Variants in MDGA1 observed in about 807,000 individuals in gnomAD.
MDGA1 encodes MAM domain-containing glycosylphosphatidylinositol anchor protein 1.
MDGA1 carries 54 observed loss-of-function variants against 101.5 expected under a neutral mutation model. The ratio of observed to expected loss-of-function variants is 0.53; its 90% CI spans 0.43 to 0.67. The LOEUF is 0.67. Among genes scored for constraint, MDGA1 ranks in the 30% least tolerant of loss-of-function variants. The pLI is 0.00. For synonymous variants in MDGA1, 533 were observed against 558.3 expected (o/e 0.95, Z 0.64); for missense variants, 1,083 against 1,323.8 (o/e 0.82, Z 2.82).
At chr6:37,645,814 CAG>C in intron 12 of MDGA1, 117 bp downstream of exon 12, 1 of 1,221,102 alleles carries the variant, frequency 8.2e-7, no homozygotes. Flanking sequence ...CATGGAAACA[CAG>C]GGGGAATTCA....
At chr6:37,684,149 C>A (rs1044122035) in intron 1 of MDGA1, among the ~76,000 whole-genome samples, 1 of 152,246 alleles carries the variant, frequency 6.6e-6, no homozygotes, top group Admixed American at 6.5e-5. Flanking sequence ...CCAGAGTAAC[C>A]TTCTGGAAAC....
chr6:37,660,107 G>A (rs1389183064), intron 2 of MDGA1, among the ~76,000 whole-genome samples: 2 of 148,962 alleles, frequency 1.3e-5, no homozygotes, highest in African/African-American at 4.9e-5. Flanking sequence ...TGGTACTCTT[G>A]GGCTCAAGGA....
At chr6:37,648,927 A>T (rs2114016040) in intron 9 of MDGA1, 55 bp downstream of exon 9, 7 of 1,524,654 alleles carry the variant, frequency 4.6e-6, no homozygotes, top group Middle Eastern at 1.8e-4. Context: ...GGATTGGGGC[A>T]GAGCCTGGCC....
intron 12 of MDGA1, 42 bp downstream of exon 12, chr6:37,645,891 C>T (rs1761181595): frequency 6.2e-7 from 1 of 1,611,556 alleles, no homozygotes; most frequent in Non-Finnish European, 8.5e-7. Flanking sequence ...CCTTTGTGTC[C>T]CTAAAGGGAA....
At chr6:37,683,107 T>C (rs557657097) in intron 1 of MDGA1, among the ~76,000 whole-genome samples, 10 of 152,330 alleles carry the variant, frequency 6.6e-5, no homozygotes, top group Admixed American at 2.0e-4. Flanking sequence ...ATGGTGCCTC[T>C]CCTGGCAATG....
At chr6:37,639,685 A>G (rs941586559) in intron 14 of MDGA1, 9 of 152,178 alleles carry the variant, frequency 5.9e-5, no homozygotes, top group South Asian at 2.1e-4. Context: ...CACCCCATGT[A>G]AAATAGCTCT....
chr6:37,688,347 A>G (rs1380432532), intron 1 of MDGA1, among the ~76,000 whole-genome samples: 1 of 152,212 alleles, frequency 6.6e-6, no homozygotes, highest in Non-Finnish European at 1.5e-5. Context: ...GACATGCGCC[A>G]GGGCTGAGAA....
chr6:37,654,518 CACAG>C lies in MDGA1; in HGVS notation c.734_737del (p.Ser245Ter), dbSNP rs1403138592. On this transcript the variant is annotated frameshift_variant, in exon 6 of 17. Coordinates refer to ENST00000434837, the MANE Select transcript of MDGA1 (RefSeq NM_153487.4). LOFTEE classifies it high-confidence loss of function. ...CAGGGTTCACCACCAGAGTTTCGTT[CACAG>C]ACAGCTTCAGGGCTGGTGGTGCTAA... 6.2e-7 allele frequency: 1 copy of C among 1,614,022 alleles called. No homozygotes were observed. The highest frequency in any genetic ancestry group is 2.2e-5 in the East Asian group (1 of 44,878).
intron 1 of MDGA1, among the ~76,000 whole-genome samples, chr6:37,679,505 G>A (rs1561860385): frequency 6.6e-6 from 1 of 152,146 alleles, no homozygotes; most frequent in Non-Finnish European, 1.5e-5. Context: ...AATGGGAGGA[G>A]GACTGGAATT....
rs765753051 is a variant in MDGA1 at position 37,638,621 on chromosome 6, G to A, written c.2583C>T (p.Asp861=). 4.3e-6 allele frequency: 7 copies of A among 1,613,838 alleles called. No homozygotes were observed. The highest frequency in any genetic ancestry group is 2.7e-5 in the African/African-American group (2 of 74,940). The change falls in exon 15 of 17, where the codon GAC becomes GAT. Residue 861 remains aspartate (D), a synonymous_variant. Coordinates refer to ENST00000434837, the MANE Select transcript of MDGA1 (RefSeq NM_153487.4). The surrounding 1 kb of genome is among the most constrained non-coding windows in gnomAD (Gnocchi z 4.8). The part of the protein sequence containing the change: ...LVRSRNKGAL[D]THAWSLSGNK... ...TGCCACTGAGAGACCAGGCGTGCGTGTCCAGAGCCCCTTTGTTCCGGGACC... is the reference window on the plus strand; with the variant it reads ...TGCCACTGAGAGACCAGGCGTGCGTATCCAGAGCCCCTTTGTTCCGGGACC...
intron 1 of MDGA1, among the ~76,000 whole-genome samples, chr6:37,669,868 T>C (rs1421844838): frequency 1.3e-5 from 2 of 152,186 alleles, no homozygotes; most frequent in African/African-American, 4.8e-5. Flanking sequence ...TCAAAGAGCA[T>C]TGCTGGGGAG....
In MDGA1 at chr6:37,648,609, G is replaced by A. The variant is rs1365135660; in HGVS notation, c.1894+373C>T. 1.3e-5 allele frequency: 4 copies of A among 309,002 alleles called. No individual in the cohort carries two copies. The Admixed American group carries it at 1.4e-4, about 11-fold the overall frequency. 19.1% of individuals were successfully genotyped at this position (309,002 alleles called of 1,614,324 possible). ...AAGCCTAGGCCTGTGGGAAGGCTATGTTTGAAAGCGGCGCGGTTGTCACAC... is the reference window on the plus strand; with the variant it reads ...AAGCCTAGGCCTGTGGGAAGGCTATATTTGAAAGCGGCGCGGTTGTCACAC... On this transcript the variant is annotated intron_variant, in intron 9 of 16. Transcript: ENST00000434837.
chr6:37,696,000 G>A (rs571585946), intron 1 of MDGA1, among the ~76,000 whole-genome samples: 56 of 152,310 alleles, frequency 3.7e-4, no homozygotes, highest in Non-Finnish European at 6.6e-4. Flanking sequence ...GCGTGCGGAC[G>A]CAGGAGCAAG....
At chr6:37,658,672 GGT>G (rs1365388175) in intron 2 of MDGA1, among the ~76,000 whole-genome samples, 4 of 152,156 alleles carry the variant, frequency 2.6e-5, no homozygotes, top group Non-Finnish European at 5.9e-5. Context: ...GCAGTGCCGT[GGT>G]TAAGAGCATG....
At chr6:37,640,375 C>T (rs567098986) in intron 14 of MDGA1, among the ~76,000 whole-genome samples, 6 of 151,290 alleles carry the variant, frequency 4.0e-5, no homozygotes, top group East Asian at 1.9e-4. Context: ...TCGGAGGGGG[C>T]GGTGCGGGGA....
chr6:37,631,161 T>A lies in MDGA1; in HGVS notation c.*6207A>T, dbSNP rs1763817576. On this transcript the variant is annotated 3_prime_UTR_variant, in exon 17 of 17. Transcript: ENST00000434837. ...AAGCACCAGAAACTTCTGTAGATGA[T>A]GATCCTAGAGCTACCTTGAATCCAA... is the stretch of plus-strand genomic sequence containing the variant. 6.6e-6 allele frequency: 1 copy of A among 152,222 alleles called. No homozygotes were observed. The highest frequency in any genetic ancestry group is 1.5e-5 in the Non-Finnish European group (1 of 68,044). 9.4% of individuals were successfully genotyped at this position (152,222 alleles called of 1,614,324 possible). A position where few individuals can be genotyped will look rare whatever the true frequency, so the allele number is the denominator to read the frequency against.
intron 14 of MDGA1, chr6:37,639,110 T>C (rs182022795): frequency 2.1e-4 from 38 of 179,234 alleles, no homozygotes; most frequent in Non-Finnish European, 3.5e-4. Context: ...TTTTAAAATG[T>C]TTAATACCCA....
chr6:37,657,590 G>T (rs994428487), intron 3 of MDGA1, among the ~76,000 whole-genome samples: 3 of 152,258 alleles, frequency 2.0e-5, no homozygotes, highest in Non-Finnish European at 4.4e-5. Context: ...GGGAGTGTGA[G>T]GATGTATAGC....
chr6:37,635,894 C>T lies in MDGA1; in HGVS notation c.*1474G>A, dbSNP rs1409978518. Reference sequence around the variant, plus strand: ...TCACTCAGGAAGGTGGACACACACGCTGACGTACACGGACATTCATAGAAA... The same window carrying T: ...TCACTCAGGAAGGTGGACACACACGTTGACGTACACGGACATTCATAGAAA... On this transcript the variant is annotated 3_prime_UTR_variant, in exon 17 of 17. Transcript: ENST00000434837. 1.0e-5 allele frequency: 4 copies of T among 397,730 alleles called. No individual in the cohort carries two copies. Among genetic ancestry groups the T allele is most frequent in the Non-Finnish European group, 1.8e-5 (4 of 225,848 alleles). 24.6% of individuals were successfully genotyped at this position (397,730 alleles called of 1,614,324 possible). A position where few individuals can be genotyped will look rare whatever the true frequency, so the allele number is the denominator to read the frequency against.
Sources: gnomAD v4.1 joint callset for allele counts (sites outside exome capture counted in the v4.1 genomes callset) on GRCh38, gnomAD v4.1.1 for gene constraint, Gnocchi (gnomAD v3.1) non-coding constraint, MANE v1.5 for transcripts, NCBI Gene and HGNC (gene_info 2026-07-23, HGNC 2026-07-21) for gene names.